Variants in ATP8A1 observed in about 807,000 individuals in gnomAD.
ATP8A1 encodes the protein phospholipid-transporting ATPase IA.
ATP8A1 carries 90 observed loss-of-function variants against 177.7 expected under a neutral mutation model. The ratio of observed to expected loss-of-function variants is 0.51; its 90% CI spans 0.43 to 0.60. The LOEUF (loss-of-function observed/expected upper bound fraction) is 0.60, where lower values mean the gene tolerates loss of function less well. ATP8A1 is among the 20% of genes least tolerant of loss of function. ATP8A1 has a pLI of 0.00. For missense variants in ATP8A1, 1,072 were observed against 1,392.8 expected, an observed-to-expected ratio of 0.77 and a Z score of 3.67; for synonymous variants, 493 against 485.9, an observed-to-expected ratio of 1.01 and a Z score of -0.19.
intron 21 of ATP8A1, among the ~76,000 whole-genome samples, chr4:42,523,014 G>A (rs909343988): frequency 6.6e-6 from 1 of 152,148 alleles, no homozygotes; most frequent in African/African-American, 2.4e-5. Flanking sequence ...GGGGTCTACT[G>A]GGAAAGCCAC....
At chr4:42,479,538 G>C (rs1366553712) in intron 25 of ATP8A1, among the ~76,000 whole-genome samples, 1 of 152,164 alleles carries the variant, frequency 6.6e-6, no homozygotes, top group African/African-American at 2.4e-5. Context: ...TAGCAAATCA[G>C]AACTGTCAGA....
At chr4:42,588,215 T>A in intron 8 of ATP8A1, 45 bp downstream of exon 8, 1 of 1,473,742 alleles carries the variant, frequency 6.8e-7, no homozygotes, top group South Asian at 1.2e-5. Flanking sequence ...TAATTCCATG[T>A]AATAAAATAG....
At chr4:42,563,502 G>C (rs1245558096) in intron 15 of ATP8A1, among the ~76,000 whole-genome samples, 1 of 152,240 alleles carries the variant, frequency 6.6e-6, no homozygotes, top group Non-Finnish European at 1.5e-5. Flanking sequence ...GCTGACTGCA[G>C]AAATTTGCAT....
chr4:42,590,798 C>T lies in ATP8A1; in HGVS notation c.524+13G>A, dbSNP rs755403579. 8 of 1,613,076 alleles carry T rather than the reference C, an allele frequency of 5.0e-6. No homozygotes were observed. The East Asian group carries it at 1.6e-4, about 31-fold the overall frequency. Reference sequence around the variant, plus strand: ...CCACATACACGCATCCTATACGACTCAGTGGTTCTAACCTTGAGGACAGAC... The same window carrying T: ...CCACATACACGCATCCTATACGACTTAGTGGTTCTAACCTTGAGGACAGAC... On this transcript the variant is annotated intron_variant, in intron 7 of 36. Coordinates refer to ENST00000381668, the MANE Select transcript of ATP8A1 (RefSeq NM_006095.2).
intron 25 of ATP8A1, among the ~76,000 whole-genome samples, chr4:42,467,555 T>C (rs1351423179): frequency 6.6e-6 from 1 of 152,040 alleles, no homozygotes; most frequent in Non-Finnish European, 1.5e-5. Context: ...TAGCTAGGGA[T>C]AGGGGCGCGT....
chr4:42,446,994 G>A (rs1326562531), intron 30 of ATP8A1, among the ~76,000 whole-genome samples: 3 of 152,096 alleles, frequency 2.0e-5, no homozygotes, highest in Non-Finnish European at 4.4e-5. Context: ...GAGTCATAGG[G>A]AATCTTCTCA....
chr4:42,592,534 T>C (rs1000084040), intron 6 of ATP8A1, among the ~76,000 whole-genome samples: 2 of 152,200 alleles, frequency 1.3e-5, no homozygotes, highest in Non-Finnish European at 2.9e-5. Context: ...TCTATAATTA[T>C]GTCTCTAAGA....
chr4:42,500,312 C>A (rs919975281), intron 24 of ATP8A1, among the ~76,000 whole-genome samples: 2 of 152,110 alleles, frequency 1.3e-5, no homozygotes, highest in African/African-American at 4.8e-5. Flanking sequence ...TTGCGGTGAG[C>A]CGAGATCGTG....
intron 17 of ATP8A1, 101 bp downstream of exon 17, chr4:42,552,404 C>G: frequency 1.1e-6 from 1 of 945,988 alleles, no homozygotes; most frequent in Non-Finnish European, 1.6e-6. Flanking sequence ...AAATTTTTAT[C>G]TAAAAAACAC....
chr4:42,549,945 C>A, intron 18 of ATP8A1, among the ~76,000 whole-genome samples: 1 of 152,262 alleles, frequency 6.6e-6, no homozygotes, highest in Non-Finnish European at 1.5e-5. Flanking sequence ...TTAAATGAGA[C>A]AATTTATATA....
At chr4:42,520,523 T>C (rs1215494852) in intron 22 of ATP8A1, among the ~76,000 whole-genome samples, 2 of 152,086 alleles carry the variant, frequency 1.3e-5, no homozygotes, top group African/African-American at 2.4e-5. Context: ...TAATCATATA[T>C]AAATATGTTA....
chr4:42,457,292 C>T lies in ATP8A1; in HGVS notation c.2620-1693G>A, dbSNP rs569975849. On this transcript the variant is annotated intron_variant, in intron 27 of 36. Transcript: ENST00000381668. ...CAAATTGACAAAACAGACATTAATG[C>T]TCTCTATTGTGTTTTCACATTTGGC... 2.6e-5 allele frequency among the ~76,000 whole-genome samples: 4 copies of T among 152,226 alleles called. No homozygotes were observed. In the South Asian group the frequency reaches 6.2e-4, roughly 24 times the overall value.
At chr4:42,635,790 TATATATATATATATATATATAC>T (rs1247801463) in intron 1 of ATP8A1, among the ~76,000 whole-genome samples, 16 of 103,718 alleles carry the variant, frequency 1.5e-4, no homozygotes, top group Non-Finnish European at 9.7e-5. Context: ...CACATATATA[TATATATATATATATATATATAC>T]ACATGTATGT....
At chr4:42,565,357 C>A (rs1731247577) in intron 15 of ATP8A1, among the ~76,000 whole-genome samples, 1 of 152,046 alleles carries the variant, frequency 6.6e-6, no homozygotes, top group Non-Finnish European at 1.5e-5. Context: ...TACAGTCACA[C>A]CTGGAAGAAT....
chr4:42,409,590 T>G lies in ATP8A1; in HGVS notation c.*3326A>C, dbSNP rs918148192. On this transcript the variant is annotated 3_prime_UTR_variant, in exon 37 of 37. Transcript: ENST00000381668. Reference sequence around the variant, plus strand: ...ACTATTTGTAAGATTATACACTTAATAGGTTTTAAAACCAGGAACTATCAA... The same window carrying G: ...ACTATTTGTAAGATTATACACTTAAGAGGTTTTAAAACCAGGAACTATCAA... The G allele has an allele frequency of 6.6e-6, 1 of 152,182 alleles. No individual in the cohort carries two copies. The highest frequency in any genetic ancestry group is 1.5e-5 in the Non-Finnish European group (1 of 68,004). 9.4% of individuals were successfully genotyped at this position (152,182 alleles called of 1,614,324 possible). A position where few individuals can be genotyped will look rare whatever the true frequency, so the allele number is the denominator to read the frequency against.
intron 16 of ATP8A1, among the ~76,000 whole-genome samples, chr4:42,553,407 A>G (rs1391900975): frequency 6.6e-6 from 1 of 152,214 alleles, no homozygotes; most frequent in Non-Finnish European, 1.5e-5. Flanking sequence ...AACTTTATTC[A>G]TATTTTAATG....
intron 1 of ATP8A1, among the ~76,000 whole-genome samples, chr4:42,630,230 T>C (rs906731165): frequency 1.3e-5 from 2 of 152,192 alleles, no homozygotes; most frequent in Admixed American, 1.3e-4. Context: ...TTTACCACCC[T>C]GCCCCAAAGA....
chr4:42,509,259 T>A lies in ATP8A1; in HGVS notation c.1948-2105A>T, dbSNP rs957316469. ...TCTATCTCTTACATGAAAAGCAAAG[T>A]GTTTTGAAAAGCCCTCAGCATATTT... On this transcript the variant is annotated intron_variant, in intron 22 of 36. Transcript: ENST00000381668. 2.0e-5 allele frequency among the ~76,000 whole-genome samples: 3 copies of A among 152,142 alleles called. No individual in the cohort carries two copies. The East Asian group carries it at 5.8e-4, about 29-fold the overall frequency.
At chr4:42,505,791 G>T (rs1191128452) in intron 23 of ATP8A1, among the ~76,000 whole-genome samples, 2 of 152,146 alleles carry the variant, frequency 1.3e-5, no homozygotes, top group Admixed American at 6.5e-5. Context: ...TTCATGCTGT[G>T]AACTCCTCTA....
Sources: gnomAD v4.1 joint callset for allele counts (sites outside exome capture counted in the v4.1 genomes callset) on GRCh38, gnomAD v4.1.1 for gene constraint, MANE v1.5 for transcripts, NCBI Gene and HGNC (gene_info 2026-07-23, HGNC 2026-07-21) for gene names.